The following USO1 variants were observed in gnomAD, a reference collection of about 807,000 sequenced individuals.
USO1 encodes the protein USO1 vesicle transport factor.
USO1 carries 57 observed loss-of-function variants against 124.5 expected under a neutral mutation model. That is an observed-to-expected ratio of 0.46 (90% confidence interval 0.37 to 0.57). The LOEUF (loss-of-function observed/expected upper bound fraction) is 0.57, where lower values mean the gene tolerates loss of function less well. Among genes scored for constraint, USO1 ranks in the 20% least tolerant of loss-of-function variants. The pLI is 0.00. For synonymous variants in USO1, 369 were observed against 362.8 expected (o/e 1.02, Z -0.19); for missense variants, 900 against 1,040.6 (o/e 0.86, Z 1.86).
intron 1 of USO1, among the ~76,000 whole-genome samples, chr4:75,737,854 A>G (rs1720838664): frequency 6.6e-6 from 1 of 151,840 alleles, no homozygotes; most frequent in South Asian, 2.1e-4. Flanking sequence ...TTGAGTCAGA[A>G]TCTTGCTCTG....
Position 75,768,452 on chromosome 4 carries a change from T to A in USO1, c.296-1987T>A, listed in dbSNP as rs1721831680. Among the ~76,000 whole-genome samples the A allele has an allele frequency of 2.7e-5, 4 of 147,480 alleles. No individual in the cohort carries two copies. In the Admixed American group the frequency reaches 2.7e-4, roughly 10 times the overall value. ...TTCCGATTGTCATTACTAGTATCTATTAATAGAAATACAATTAATTTTGTG... is the reference window on the plus strand; with the variant it reads ...TTCCGATTGTCATTACTAGTATCTAATAATAGAAATACAATTAATTTTGTG... On this transcript the variant is annotated intron_variant, in intron 4 of 23. Transcript: ENST00000514213.
chr4:75,799,475 TGTTTA>T, intron 13 of USO1, 142 bp from the exon 14 acceptor site: 1 of 836,354 alleles, frequency 1.2e-6, no homozygotes, highest in Non-Finnish European at 1.8e-6. Context: ...TTTATTCTCT[TGTTTA>T]GTTTTTTAAA....
chr4:75,806,129 T>G (rs1379472541), intron 19 of USO1, among the ~76,000 whole-genome samples: 1 of 151,956 alleles, frequency 6.6e-6, no homozygotes, highest in Non-Finnish European at 1.5e-5. Context: ...GTAGCTGGGA[T>G]TATAGGTGCA....
intron 8 of USO1, among the ~76,000 whole-genome samples, chr4:75,775,214 TA>T (rs1722040530): frequency 1.3e-5 from 2 of 152,122 alleles, no homozygotes; most frequent in Non-Finnish European, 2.9e-5. Flanking sequence ...GAGAGCTAGT[TA>T]ATTATTGTAA....
intron 4 of USO1, chr4:75,770,084 TAC>T (rs1721878552): frequency 6.3e-6 from 1 of 159,550 alleles, no homozygotes; most frequent in Admixed American, 6.2e-5. Flanking sequence ...GGCAGAAGTA[TAC>T]AGAAGTGTCA....
chr4:75,741,242 A>G (rs79121894), intron 1 of USO1, among the ~76,000 whole-genome samples: 5 of 152,326 alleles, frequency 3.3e-5, no homozygotes, highest in Non-Finnish European at 7.3e-5. Context: ...GTGGCATAAA[A>G]GATAGTAAAT....
At chr4:75,765,928 A>G (rs1286393706) in intron 4 of USO1, among the ~76,000 whole-genome samples, 1 of 152,188 alleles carries the variant, frequency 6.6e-6, no homozygotes, top group Non-Finnish European at 1.5e-5. Context: ...GTGATTATGT[A>G]GTAACATGAT....
chr4:75,804,218 G>A lies in USO1; in HGVS notation c.2071G>A (p.Val691Ile), dbSNP rs760738675. Residue 691 changes from valine to isoleucine, a missense_variant, in exon 18 of 24, where the codon GTA (valine) becomes ATA (isoleucine). Physicochemically the swap from Val to Ile is conservative, Grantham distance 29. Transcript: ENST00000514213. Reference sequence around the variant, plus strand: ...GCTCCAGACGGCAGTCACACAGCAAGTATCACAGATCCAGCAGCACAAAGA... The same window carrying A: ...GCTCCAGACGGCAGTCACACAGCAAATATCACAGATCCAGCAGCACAAAGA... Reference protein sequence around the residue: ...EQLQTAVTQQVSQIQQHKDQY... With the variant: ...EQLQTAVTQQISQIQQHKDQY... The A allele has an allele frequency of 1.9e-6, 3 of 1,613,662 alleles. No homozygotes were observed. The highest frequency in any genetic ancestry group is 1.7e-6 in the Non-Finnish European group (2 of 1,179,750).
chr4:75,778,463 A>G (rs549932652), intron 8 of USO1, among the ~76,000 whole-genome samples: 159 of 152,288 alleles, frequency 1.0e-3, no homozygotes, highest in African/African-American at 3.7e-3. Context: ...TGTTTCAGGG[A>G]TGGCAGAGAG....
intron 1 of USO1, among the ~76,000 whole-genome samples, chr4:75,727,868 C>T (rs1560430516): frequency 6.6e-6 from 1 of 152,122 alleles, no homozygotes; most frequent in Non-Finnish European, 1.5e-5. Context: ...TACTTTCCCC[C>T]AGCACGTTTC....
At chr4:75,724,914 G>T (rs764617520) in intron 1 of USO1, 29 bp downstream of exon 1, 1 of 1,611,840 alleles carries the variant, frequency 6.2e-7, no homozygotes, top group Middle Eastern at 1.7e-4. Flanking sequence ...CTGGGACTTG[G>T]GAAGGGGTCC....
At chr4:75,813,142 T>A in intron 23 of USO1, 64 bp from the exon 24 acceptor site, 1 of 1,534,754 alleles carries the variant, frequency 6.5e-7, no homozygotes, top group South Asian at 1.3e-5. Context: ...GTAGTATATA[T>A]TGTTAAATGT....
chr4:75,782,765 A>G lies in USO1; in HGVS notation c.762A>G (p.Ser254=), dbSNP rs1293169603. 3 of 1,596,296 alleles carry G rather than the reference A, an allele frequency of 1.9e-6. No homozygotes were observed. Among genetic ancestry groups the G allele is most frequent in the Non-Finnish European group, 2.6e-6 (3 of 1,173,300 alleles). The change falls in exon 9 of 24, where the codon TCA becomes TCG. Residue 254 remains serine (S), a synonymous_variant. Coordinates refer to ENST00000514213, the MANE Select transcript of USO1 (RefSeq NM_003715.4). ...ATCAAAATTTTTTTAAAGAAGGCTCATATATTCAACGTATGAAACCTTGGT... is the reference window on the plus strand; with the variant it reads ...ATCAAAATTTTTTTAAAGAAGGCTCGTATATTCAACGTATGAAACCTTGGT... ...NSNQNFFKEG[S]YIQRMKPWFE...
At chr4:75,742,985 C>CT (rs201882306) in intron 1 of USO1, among the ~76,000 whole-genome samples, 27,332 of 139,720 alleles carry the variant, frequency 0.2, 2,838 homozygotes, top group African/African-American at 0.22. Context: ...ATAAGCATAT[C>CT]TTTTTTTTTT....
At chr4:75,756,132 T>C (rs1721435303) in intron 3 of USO1, among the ~76,000 whole-genome samples, 1 of 143,942 alleles carries the variant, frequency 6.9e-6, no homozygotes, top group Non-Finnish European at 1.5e-5. Flanking sequence ...ATCGCGCCAC[T>C]GCACTCCAGC....
At chr4:75,807,202 A>C (rs998172867) in intron 20 of USO1, among the ~76,000 whole-genome samples, 1 of 152,172 alleles carries the variant, frequency 6.6e-6, no homozygotes, top group African/African-American at 2.4e-5. Flanking sequence ...ATCAAAAGAG[A>C]GAAATGAACT....
intron 4 of USO1, chr4:75,760,508 C>T (rs906688846): frequency 7.7e-6 from 3 of 389,858 alleles, no homozygotes; most frequent in African/African-American, 4.1e-5. Flanking sequence ...TTTTTAAGCT[C>T]CTATTTTACG....
At chr4:75,805,598 G>A (rs757248837) in intron 19 of USO1, among the ~76,000 whole-genome samples, 50 of 151,844 alleles carry the variant, frequency 3.3e-4, no homozygotes, top group Middle Eastern at 6.8e-3. Context: ...TCCCAGCTAC[G>A]CAGGAGGCTG....
intron 18 of USO1, 167 bp from the exon 19 acceptor site, chr4:75,804,973 T>C: frequency 1.2e-6 from 1 of 801,744 alleles, no homozygotes; most frequent in Admixed American, 4.1e-5. Context: ...GAAAATACTA[T>C]CAGTTCACTA....
Sources: allele counts gnomAD v4.1 joint callset (sites outside exome capture counted in the v4.1 genomes callset), GRCh38; gene constraint gnomAD v4.1.1; transcripts MANE v1.5; gene names NCBI Gene and HGNC (gene_info 2026-07-23, HGNC 2026-07-21).